The following GSE1 variants were observed in gnomAD, a reference collection of about 807,000 sequenced individuals.
The protein encoded by GSE1 is genetic suppressor element 1.
GSE1 carries 32 observed loss-of-function variants against 112.6 expected under a neutral mutation model. The observed-to-expected ratio is 0.28, with a 90% CI of 0.21 to 0.38. The LOEUF is 0.38. Among genes scored for constraint, GSE1 ranks in the 10% least tolerant of loss-of-function variants. GSE1 has a pLI of 1.00. For synonymous variants in GSE1, 1,115 were observed against 735.6 expected, an observed-to-expected ratio of 1.52 and a Z score of -8.35; for missense variants, 2,348 against 1,699.2, an observed-to-expected ratio of 1.38 and a Z score of -6.71.
chr16:85,194,002 T>A (rs1294933496), intron 1 of GSE1, among the ~76,000 whole-genome samples: 1 of 152,222 alleles, frequency 6.6e-6, no homozygotes, highest in Non-Finnish European at 1.5e-5. Context: ...TACATCTGTG[T>A]GTAGCCTGCT....
chr16:85,512,124 T>G (rs8058248), intron 2 of GSE1, among the ~76,000 whole-genome samples: 6,395 of 152,206 alleles, frequency 0.042, 308 homozygotes, highest in African/African-American at 0.11. Flanking sequence ...AGCACTGTTC[T>G]GCGAGTCCAC....
chr16:85,246,414 C>T (rs1905776828), intron 1 of GSE1, among the ~76,000 whole-genome samples: 1 of 137,440 alleles, frequency 7.3e-6, no homozygotes, highest in African/African-American at 2.8e-5. Flanking sequence ...TACACACACA[C>T]ACACACACCC....
Position 85,533,247 on chromosome 16 carries a change from TAA to T in GSE1, c.2465-100653_2465-100652del, listed in dbSNP as rs34682517. Among the ~76,000 whole-genome samples, 346 of 142,620 alleles carry T rather than the reference TAA, an allele frequency of 2.4e-3. 1 individual carries two copies. The highest frequency in any genetic ancestry group is 6.1e-3 in the African/African-American group (237 of 38,726). The allele number at this position is 142,620 out of a possible 152,430, so 93.6% of individuals were successfully genotyped here. A position where few individuals can be genotyped will look rare whatever the true frequency, so the allele number is the denominator to read the frequency against. On this transcript the variant is annotated intron_variant, in intron 2 of 2. Coordinates refer to the GSE1 transcript ENST00000637419. ...GACCATGGCGAAAACCTGTCTCTAC[TAA>T]AAAAAAAAAAAAATACAAAAATTAG...
At chr16:85,665,934 A>C (rs752249016) in intron 12 of GSE1, 42 bp from the exon 13 acceptor site, 5 of 1,601,926 alleles carry the variant, frequency 3.1e-6, no homozygotes, top group Non-Finnish European at 8.5e-7. Context: ...CAGCCTGTTA[A>C]CTTGCATTTC....
intron 2 of GSE1, among the ~76,000 whole-genome samples, chr16:85,640,767 G>A (rs954850262): frequency 3.9e-5 from 6 of 152,262 alleles, no homozygotes; most frequent in East Asian, 1.9e-4. Flanking sequence ...GAAGGATCCC[G>A]CCTGGCAGGC....
At chr16:85,475,969 C>T (rs973501035) in intron 2 of GSE1, among the ~76,000 whole-genome samples, 6 of 151,988 alleles carry the variant, frequency 3.9e-5, no homozygotes, top group African/African-American at 1.5e-4. Context: ...CTCTCTCTGT[C>T]ACCCGAGTTG....
At chr16:85,632,519 A>AG (rs2049624108) in intron 1 of GSE1, among the ~76,000 whole-genome samples, 2 of 152,172 alleles carry the variant, frequency 1.3e-5, no homozygotes, top group Non-Finnish European at 2.9e-5. Context: ...GCAGGTGGAC[A>AG]AAGGAGGTCT....
chr16:85,178,547 T>C (rs894469637), intron 1 of GSE1, among the ~76,000 whole-genome samples: 1 of 152,094 alleles, frequency 6.6e-6, no homozygotes. Flanking sequence ...TTTTAAAGCT[T>C]CTAGCAGATT....
In GSE1 at chr16:85,382,886, GCA is replaced by G. The variant is rs576816245; in HGVS notation, c.2464+25251_2464+25252del. ...CACAGCACACATGCACACACACCGT[GCA>G]CACACACGCATACACTTGTGCACAC... On this transcript the variant is annotated intron_variant, in intron 2 of 2. Coordinates refer to the GSE1 transcript ENST00000637419. Among the ~76,000 whole-genome samples the G allele has an allele frequency of 2.7e-3, 402 of 150,666 alleles. 1 individual carries two copies. The highest frequency in any genetic ancestry group is 9.3e-3 in the African/African-American group (377 of 40,584).
Position 85,675,195 on chromosome 16 carries a change from A to C in GSE1, c.*2656A>C, listed in dbSNP as rs980855966. 6.6e-6 allele frequency: 1 copy of C among 152,206 alleles called. No individual in the cohort carries two copies. The highest frequency in any genetic ancestry group is 1.5e-5 in the Non-Finnish European group (1 of 68,032). 9.4% of individuals were successfully genotyped at this position (152,206 alleles called of 1,614,324 possible). A position where few individuals can be genotyped will look rare whatever the true frequency, so the allele number is the denominator to read the frequency against. ...CAGCTACTTCACACTGAGTACCTCA[A>C]ATCTGCTCTGGAGTCGATTATGCCA... On this transcript the variant is annotated 3_prime_UTR_variant, in exon 16 of 16. Coordinates refer to ENST00000253458, the MANE Select transcript of GSE1 (RefSeq NM_014615.5).
At chr16:85,329,933 G>A (rs2046304078) in intron 1 of GSE1, among the ~76,000 whole-genome samples, 1 of 150,006 alleles carries the variant, frequency 6.7e-6, no homozygotes, top group South Asian at 2.1e-4. Context: ...GCAAGAGGCT[G>A]GTGGGGGGGC....
chr16:85,662,784 G>C (rs564289939), intron 9 of GSE1, 197 bp from the exon 10 acceptor site: 53 of 552,364 alleles, frequency 9.6e-5, no homozygotes, highest in Admixed American at 8.6e-4. Flanking sequence ...GGGAAGCCTG[G>C]TGTCTGCGGT....
In GSE1 at chr16:85,627,735, G is replaced by T. The variant is rs1007717589; in HGVS notation, c.8-6179G>T. On this transcript the variant is annotated intron_variant, in intron 1 of 15. Coordinates refer to ENST00000253458, the MANE Select transcript of GSE1 (RefSeq NM_014615.5). ...CACACGGTGGAGCGTATTCCCAGCT[G>T]TTAGGATAATGAATTTACATGAGCT... is the stretch of plus-strand genomic sequence containing the variant. Among the ~76,000 whole-genome samples, 4 of 151,892 alleles carry T rather than the reference G, an allele frequency of 2.6e-5. No homozygotes were observed. In the South Asian group the frequency reaches 8.4e-4, roughly 32 times the overall value.
chr16:85,510,689 C>G (rs1225881667), intron 2 of GSE1, among the ~76,000 whole-genome samples: 1 of 152,216 alleles, frequency 6.6e-6, no homozygotes, highest in Admixed American at 6.5e-5. Context: ...CCTCCCACGG[C>G]TCCCATGCAT....
At chr16:85,467,181 A>C (rs2050147734) in intron 2 of GSE1, among the ~76,000 whole-genome samples, 2 of 151,962 alleles carry the variant, frequency 1.3e-5, no homozygotes, top group Admixed American at 1.3e-4. Context: ...CCGCGTCTTC[A>C]CCCTTGCCTG....
intron 1 of GSE1, among the ~76,000 whole-genome samples, chr16:85,265,840 A>C (rs1201618302): frequency 6.6e-6 from 1 of 152,124 alleles, no homozygotes; most frequent in Non-Finnish European, 1.5e-5. Flanking sequence ...TGAGCAGCCC[A>C]GGGCCAGGGC....
At chr16:85,641,329 C>T (rs993958533) in intron 2 of GSE1, among the ~76,000 whole-genome samples, 2 of 152,250 alleles carry the variant, frequency 1.3e-5, no homozygotes, top group African/African-American at 4.8e-5. Flanking sequence ...AAACGCATCT[C>T]CAGCTAGAAA....
intron 1 of GSE1, among the ~76,000 whole-genome samples, chr16:85,579,411 G>A (rs1043041686): frequency 6.6e-6 from 1 of 152,208 alleles, no homozygotes; most frequent in African/African-American, 2.4e-5. Context: ...CTTGGGGAGG[G>A]CGCTTTGTAT....
chr16:85,224,000 A>G (rs1427369636), intron 1 of GSE1, among the ~76,000 whole-genome samples: 1 of 151,822 alleles, frequency 6.6e-6, no homozygotes, highest in Non-Finnish European at 1.5e-5. Flanking sequence ...CAGAACTTTT[A>G]TCATCACCCC....
Sources: gnomAD v4.1 joint callset for allele counts (sites outside exome capture counted in the v4.1 genomes callset) on GRCh38, gnomAD v4.1.1 for gene constraint, MANE v1.5 for transcripts, NCBI Gene and HGNC (gene_info 2026-07-23, HGNC 2026-07-21) for gene names.